PCDHA3: variants seen among roughly 807,000 people sequenced by gnomAD.
PCDHA3 encodes the protein protocadherin alpha-3.
In PCDHA3, 41 loss-of-function variants were observed where a neutral mutation model predicts 62.2. The observed-to-expected ratio is 0.66, with a 90% confidence interval of 0.51 to 0.86. The LOEUF (loss-of-function observed/expected upper bound fraction) is 0.86, where lower values mean the gene tolerates loss of function less well. Ranked by LOEUF, PCDHA3 falls within the 40% of genes least tolerant of loss-of-function variation. The pLI is 0.00. For missense variants in PCDHA3, 1,304 were observed against 1,241.2 expected (o/e 1.05, Z -0.76); for synonymous variants, 640 against 555.4 (o/e 1.15, Z -2.14).
At chr5:140,966,777 C>T (rs1554228636) in intron 1 of PCDHA3, 2 of 1,510,822 alleles carry the variant, frequency 1.3e-6, no homozygotes, top group Non-Finnish European at 1.8e-6. Context: ...ATGGAGCAGG[C>T]GGGCACCAGA....
rs1460408085 is a variant in PCDHA3, at chr5:140,900,316, C to T, written c.2395-78633C>T. On this transcript the variant is annotated intron_variant, in intron 1 of 3. Coordinates refer to ENST00000522353, the MANE Select transcript of PCDHA3 (RefSeq NM_018906.3). ...TTTTTTTAGACAGTCTCACTTTTGT[C>T]GCCCAGGCTGGAGTACCGTGGCGCA... Among the ~76,000 whole-genome samples the T allele has an allele frequency of 1.2e-4, 18 of 152,172 alleles. No individual in the cohort carries two copies. The East Asian group carries it at 2.7e-3, about 23-fold the overall frequency.
rs1554140693 is a variant in PCDHA3, at chr5:140,844,620, C to G, written c.2394+41029C>G. On this transcript the variant is annotated intron_variant, in intron 1 of 3. Coordinates refer to ENST00000522353, the MANE Select transcript of PCDHA3 (RefSeq NM_018906.3). Reference sequence around the variant, plus strand: ...ATATGACTTAGAAAAATGTTTTCATCAGAAAAACTATACATGATAATTTCA... The same window carrying G: ...ATATGACTTAGAAAAATGTTTTCATGAGAAAAACTATACATGATAATTTCA... Among the ~76,000 whole-genome samples, 3 of 149,238 alleles carry G rather than the reference C, an allele frequency of 2.0e-5. 1 individual carries two copies. Among genetic ancestry groups the G allele is most frequent in the Non-Finnish European group, 3.0e-5 (2 of 66,778 alleles).
chr5:140,987,165 G>A lies in PCDHA3; in HGVS notation c.2542+4602G>A, dbSNP rs191129148. Among the ~76,000 whole-genome samples, 1,195 of 151,202 alleles carry A rather than the reference G, an allele frequency of 7.9e-3. 19 individuals are homozygous for A. The highest frequency in any genetic ancestry group is 0.027 in the African/African-American group (1,126 of 41,156). On this transcript the variant is annotated intron_variant, in intron 3 of 3. Transcript: ENST00000522353. ...GGAGGTGGAGGTTGCAGTGAGCTGA[G>A]ATTGCACCACTGCACTCCAGCCTGG...
intron 1 of PCDHA3, chr5:140,807,450 C>T: frequency 1.2e-6 from 2 of 1,606,840 alleles, no homozygotes; most frequent in Non-Finnish European, 1.7e-6. Context: ...TTTGTGAATT[C>T]TCGGATCGAC....
intron 1 of PCDHA3, chr5:140,847,658 T>C (rs1554141863): frequency 6.7e-6 from 1 of 149,650 alleles, no homozygotes; most frequent in East Asian, 1.9e-4. Context: ...TATTCATAGA[T>C]TATAAAGCTT....
chr5:140,804,879 C>A, intron 1 of PCDHA3: 4 of 562,574 alleles, frequency 7.1e-6, no homozygotes, highest in South Asian at 3.1e-5. Context: ...TTTTTCTTGA[C>A]TCCTCTCCTT....
intron 1 of PCDHA3, among the ~76,000 whole-genome samples, chr5:140,941,221 TTC>T (rs1217645089): frequency 7.6e-6 from 1 of 131,640 alleles, no homozygotes; most frequent in African/African-American, 3.0e-5. Flanking sequence ...CTTCCTTTCT[TTC>T]TTTCTTTCTT....
chr5:140,868,928 A>C, intron 1 of PCDHA3: 1 of 1,070,100 alleles, frequency 9.3e-7, no homozygotes, highest in Non-Finnish European at 1.3e-6. Flanking sequence ...AGTTCATTTA[A>C]AGGTTGGTCT....
In PCDHA3 at chr5:140,853,931, G is replaced by T. The variant is rs2042911351; in HGVS notation, c.2394+50340G>T. The T allele has an allele frequency of 3.5e-6, 3 of 868,826 alleles. No homozygotes were observed. The South Asian group carries it at 1.6e-4, about 45-fold the overall frequency. The allele number at this position is 868,826 out of a possible 1,614,324, so 53.8% of individuals were successfully genotyped here. A position where few individuals can be genotyped will look rare whatever the true frequency, so the allele number is the denominator to read the frequency against. ...CACCTGCAATCCCAACATTTTGGGA[G>T]GCCAAGGTGGGAGGGTCCCTTCCTT... On this transcript the variant is annotated intron_variant, in intron 1 of 3. Coordinates refer to ENST00000522353, the MANE Select transcript of PCDHA3 (RefSeq NM_018906.3).
At chr5:140,980,447 C>T (rs952861849) in intron 2 of PCDHA3, among the ~76,000 whole-genome samples, 4 of 152,036 alleles carry the variant, frequency 2.6e-5, no homozygotes, top group Admixed American at 6.6e-5. Context: ...CTGGACAACA[C>T]GGTGAAACCC....
rs1554122554 is a variant in PCDHA3 at position 140,803,053 on chromosome 5, G to C, written c.1856G>C (p.Arg619Pro). The change falls in exon 1 of 4, where the codon CGC becomes CCC. Residue 619 changes from arginine to proline, a missense_variant. Physicochemically the swap from Arg to Pro is moderately radical, Grantham distance 103. Coordinates refer to ENST00000522353, the MANE Select transcript of PCDHA3 (RefSeq NM_018906.3). ...CTGCAGCCTGGGACCGGCGGTGCGC[G>C]CATCCCGTTTCGCGTGGGGCTGTAC... The part of the protein sequence containing the change: ...YELQPGTGGA[R>P]IPFRVGLYTG... 5 of 1,613,966 alleles carry C rather than the reference G, an allele frequency of 3.1e-6. No homozygotes were observed. Among genetic ancestry groups the C allele is most frequent in the South Asian group, 1.1e-5 (1 of 91,088 alleles).
chr5:140,819,709 A>G (rs2150054370), intron 1 of PCDHA3, among the ~76,000 whole-genome samples: 1 of 152,246 alleles, frequency 6.6e-6, no homozygotes, highest in Non-Finnish European at 1.5e-5. Context: ...TTAAAAAGTA[A>G]ATATAATTTA....
chr5:140,911,480 G>A (rs2075504387), intron 1 of PCDHA3, among the ~76,000 whole-genome samples: 1 of 152,142 alleles, frequency 6.6e-6, no homozygotes, highest in African/African-American at 2.4e-5. Flanking sequence ...CTCTCACTCA[G>A]GGCAATCTTA....
chr5:140,802,298 A>G lies in PCDHA3; in HGVS notation c.1101A>G (p.Thr367=), dbSNP rs1333077936. ...TATTAGAAGACTCTCCACTTAGCAC[A>G]GTCATCGCTCTGATCAGCGTGTCCG... ...LPVLEDSPLS[T]VIALISVSDR... is the part of the protein sequence containing the mutation. The change falls in exon 1 of 4, where the codon ACA becomes ACG. Residue 367 remains threonine (T), a synonymous_variant. Coordinates refer to ENST00000522353, the MANE Select transcript of PCDHA3 (RefSeq NM_018906.3). 2 of 1,614,126 alleles carry G rather than the reference A, an allele frequency of 1.2e-6. No individual in the cohort carries two copies. The highest frequency in any genetic ancestry group is 2.7e-5 in the African/African-American group (2 of 74,948).
In PCDHA3 at chr5:140,823,270, G is replaced by C. The variant is rs1554129230; in HGVS notation, c.2394+19679G>C. The C allele has an allele frequency of 2.5e-6, 4 of 1,612,658 alleles. No homozygotes were observed. In the East Asian group the frequency reaches 8.9e-5, roughly 36 times the overall value. On this transcript the variant is annotated intron_variant, in intron 1 of 3. Transcript: ENST00000522353. ...CTACTCGCTGGTGGAGCGGCGGGTGGGCGAGCGCCCGCTGTCGAGTTACGT... is the reference window on the plus strand; with the variant it reads ...CTACTCGCTGGTGGAGCGGCGGGTGCGCGAGCGCCCGCTGTCGAGTTACGT...
At chr5:140,841,587 G>C in intron 1 of PCDHA3, 1 of 1,614,074 alleles carries the variant, frequency 6.2e-7, no homozygotes, top group Non-Finnish European at 8.5e-7. Context: ...GTGAATTCTC[G>C]GATCGACCGC....
chr5:140,809,257 T>C, intron 1 of PCDHA3: 1 of 1,614,092 alleles, frequency 6.2e-7, no homozygotes, highest in Non-Finnish European at 8.5e-7. Flanking sequence ...TGGGTCCCGA[T>C]GCTGCGCTGG....
At chr5:140,821,664 A>T in intron 1 of PCDHA3, 1 of 1,232,770 alleles carries the variant, frequency 8.1e-7, no homozygotes, top group Non-Finnish European at 1.1e-6. Flanking sequence ...GGCTGTGCCA[A>T]GAAGCTCAGA....
At position 140,858,244 on chromosome 5, in the gene PCDHA3, G is replaced by T. The variant is rs782743084; in HGVS notation, c.2394+54653G>T. The T allele has an allele frequency of 1.9e-5, 30 of 1,595,808 alleles. 1 individual carries two copies. The highest frequency in any genetic ancestry group is 3.4e-4 in the Middle Eastern group (2 of 5,896). On this transcript the variant is annotated intron_variant, in intron 1 of 3. Transcript: ENST00000522353. Reference sequence around the variant, plus strand: ...CGCCCACCGAGGGCGCATGTGGGCCGGTGAAGCCCACGCTGGTGTGCTCTA... The same window carrying T: ...CGCCCACCGAGGGCGCATGTGGGCCTGTGAAGCCCACGCTGGTGTGCTCTA...
Sources: allele counts gnomAD v4.1 joint callset (sites outside exome capture counted in the v4.1 genomes callset), GRCh38; gene constraint gnomAD v4.1.1; transcripts MANE v1.5; gene names NCBI Gene and HGNC (gene_info 2026-07-23, HGNC 2026-07-21).